The following MRTFB variants were observed in gnomAD, a reference collection of about 807,000 sequenced individuals.
MRTFB encodes myocardin related transcription factor B, also known as myocardin-related transcription factor B.
In MRTFB, 29 loss-of-function variants were observed where a neutral mutation model predicts 104.2. The ratio of observed to expected loss-of-function variants is 0.28; its 90% CI spans 0.21 to 0.38. The LOEUF (loss-of-function observed/expected upper bound fraction) is 0.38, where lower values mean the gene tolerates loss of function less well. Among genes scored for constraint, MRTFB ranks in the 10% least tolerant of loss-of-function variants. The pLI, the probability that MRTFB is intolerant of heterozygous loss-of-function variation, is 1.00. For synonymous variants in MRTFB, 535 were observed against 519.5 expected (o/e 1.03, Z -0.41); for missense variants, 1,270 against 1,341.6 (o/e 0.95, Z 0.83).
At chr16:13,997,587 G>A in the MRTFB span, among the ~76,000 whole-genome samples, 1 of 151,678 alleles carries the variant, frequency 6.6e-6, no homozygotes, top group Non-Finnish European at 1.5e-5. Context: ...TTGAGCCCAG[G>A]GGTTCAAACC....
intron 3 of MRTFB, among the ~76,000 whole-genome samples, chr16:14,147,543 G>A (rs1216243941): frequency 6.6e-6 from 1 of 152,162 alleles, no homozygotes; most frequent in African/African-American, 2.4e-5. Flanking sequence ...TTGTTACTGA[G>A]GATTTTGTTT....
chr16:14,156,579 T>C (rs1172298928), intron 3 of MRTFB, among the ~76,000 whole-genome samples: 2 of 152,208 alleles, frequency 1.3e-5, no homozygotes, highest in African/African-American at 4.8e-5. Context: ...TGGGATTGCT[T>C]GGAGATAATG....
At chr16:13,994,883 T>G in the MRTFB span, among the ~76,000 whole-genome samples, 8 of 152,342 alleles carry the variant, frequency 5.3e-5, no homozygotes, top group Middle Eastern at 6.8e-3. Context: ...CCTTTCCTTC[T>G]GGTTCTGGAA....
chr16:14,058,254 G>C, the MRTFB span, among the ~76,000 whole-genome samples: 49 of 152,296 alleles, frequency 3.2e-4, no homozygotes, highest in Non-Finnish European at 5.9e-4. Flanking sequence ...ATCCGTTCTC[G>C]GAAGGAATCT....
the MRTFB span, among the ~76,000 whole-genome samples, chr16:14,007,659 G>A: frequency 2.0e-5 from 3 of 152,208 alleles, no homozygotes; most frequent in African/African-American, 7.2e-5. Flanking sequence ...TCAAAGCTCT[G>A]TGCTACTTTA....
Position 14,215,500 on chromosome 16 carries a change from C to CTACT in MRTFB, c.353-1612_353-1609dup, listed in dbSNP as rs1051710197. Among the ~76,000 whole-genome samples, 12 of 152,274 alleles carry CTACT rather than the reference C, an allele frequency of 7.9e-5. No individual in the cohort carries two copies. The East Asian group carries it at 1.9e-3, about 24-fold the overall frequency. On this transcript the variant is annotated intron_variant, in intron 6 of 16. Coordinates refer to ENST00000571589, the MANE Select transcript of MRTFB (RefSeq NM_001308142.2). ...CAGAAACATAACAAAATTCCAGGCT[C>CTACT]TACTTACTTACTTACTTGGGAATAT...
At chr16:14,061,342 C>T in the MRTFB span, among the ~76,000 whole-genome samples, 1 of 152,276 alleles carries the variant, frequency 6.6e-6, no homozygotes, top group East Asian at 1.9e-4. Flanking sequence ...CTAGTCAGAA[C>T]ACCTCACCCA....
At chr16:14,226,110 G>C (rs2041993029) in intron 8 of MRTFB, among the ~76,000 whole-genome samples, 1 of 152,142 alleles carries the variant, frequency 6.6e-6, no homozygotes, top group Admixed American at 6.5e-5. Flanking sequence ...CAGACATCCT[G>C]TGTTCATGGA....
At chr16:14,060,856 C>T in the MRTFB span, among the ~76,000 whole-genome samples, 6 of 152,012 alleles carry the variant, frequency 3.9e-5, 1 homozygote. Flanking sequence ...CTTAAAACAA[C>T]CAAAGTTTGG....
intron 2 of MRTFB, among the ~76,000 whole-genome samples, chr16:14,102,528 A>T (rs1401092001): frequency 6.6e-6 from 1 of 152,250 alleles, no homozygotes; most frequent in Non-Finnish European, 1.5e-5. Context: ...TATACAGATA[A>T]GAAGATATTT....
At chr16:14,015,331 C>A in the MRTFB span, among the ~76,000 whole-genome samples, 4 of 152,188 alleles carry the variant, frequency 2.6e-5, no homozygotes, top group Non-Finnish European at 5.9e-5. Context: ...GCAAAGAGAA[C>A]TTTATTTTCC....
chr16:14,142,473 C>A (rs1424351191), intron 3 of MRTFB: 1 of 151,738 alleles, frequency 6.6e-6, no homozygotes, highest in Non-Finnish European at 1.5e-5. Context: ...TGGTTTTGAT[C>A]TCCTGACCTC....
chr16:14,075,908 T>C (rs1156833005), intron 1 of MRTFB, among the ~76,000 whole-genome samples: 1 of 152,204 alleles, frequency 6.6e-6, no homozygotes, highest in Non-Finnish European at 1.5e-5. Context: ...ATTGTTTTCA[T>C]GTAGATAAGA....
At chr16:14,243,864 G>GTTT (rs56296807) in intron 10 of MRTFB, among the ~76,000 whole-genome samples, 2 of 124,676 alleles carry the variant, frequency 1.6e-5, no homozygotes, top group African/African-American at 7.6e-5. Flanking sequence ...CCTGTTTTGG[G>GTTT]TTTTTTTTTT....
intron 16 of MRTFB, among the ~76,000 whole-genome samples, chr16:14,259,703 A>G (rs2043679849): frequency 1.3e-5 from 2 of 152,206 alleles, no homozygotes. Flanking sequence ...ATGAGCTGAG[A>G]TCATGCCACC....
intron 3 of MRTFB, among the ~76,000 whole-genome samples, chr16:14,146,550 C>G (rs1464716874): frequency 6.6e-6 from 1 of 152,150 alleles, no homozygotes; most frequent in Non-Finnish European, 1.5e-5. Context: ...CAAGAGAACC[C>G]AAGATGGCTC....
At chr16:14,159,739 C>T (rs911070083) in intron 3 of MRTFB, among the ~76,000 whole-genome samples, 20 of 151,504 alleles carry the variant, frequency 1.3e-4, no homozygotes, top group African/African-American at 3.9e-4. Context: ...ACCATCCCGG[C>T]TAAAACGGTG....
the MRTFB span, among the ~76,000 whole-genome samples, chr16:13,998,507 A>G: frequency 6.6e-6 from 1 of 152,072 alleles, no homozygotes; most frequent in Non-Finnish European, 1.5e-5. Context: ...TTAGCTGGGC[A>G]TGAAGTTGCA....
chr16:14,119,722 A>G lies in MRTFB; in HGVS notation c.-63-20822A>G, dbSNP rs147155359. The stretch of plus-strand genomic sequence containing the variant: ...TTATTTTTTTTTAAGTTTTAGTTTG[A>G]TTATATCATATTTAGTATAAGTGAT... On this transcript the variant is annotated intron_variant, in intron 2 of 16. Transcript: ENST00000571589. Among the ~76,000 whole-genome samples the G allele has an allele frequency of 2.6e-3, 394 of 152,124 alleles. 1 individual carries two copies. Among genetic ancestry groups the G allele is most frequent in the African/African-American group, 9.0e-3 (374 of 41,486 alleles).
Sources: allele counts gnomAD v4.1 joint callset (sites outside exome capture counted in the v4.1 genomes callset), GRCh38; gene constraint gnomAD v4.1.1; transcripts MANE v1.5; gene names NCBI Gene and HGNC (gene_info 2026-07-23, HGNC 2026-07-21).